The following AKAP9 variants were observed in gnomAD, a reference collection of about 807,000 sequenced individuals.
The protein encoded by AKAP9 is A-kinase anchor protein 9.
Under a neutral mutation model 488.5 loss-of-function variants are expected in AKAP9, and 311 were observed. The ratio of observed to expected loss-of-function variants is 0.64; its 90% confidence interval spans 0.58 to 0.70. The LOEUF (loss-of-function observed/expected upper bound fraction) is 0.70, where lower values mean the gene tolerates loss of function less well. Ranked by LOEUF, AKAP9 falls within the 30% of genes least tolerant of loss-of-function variation. The pLI is 0.00. For missense variants in AKAP9, 4,215 were observed against 4,374.5 expected, an observed-to-expected ratio of 0.96 and a Z score of 1.03; for synonymous variants, 1,462 against 1,483.5, an observed-to-expected ratio of 0.99 and a Z score of 0.33.
At chr7:92,083,702 T>TAA (rs34688691) in intron 33 of AKAP9, 47 bp downstream of exon 33, 6 of 1,427,744 alleles carry the variant, frequency 4.2e-6, no homozygotes, top group East Asian at 5.4e-5. Context: ...TGTGGTTTTT[T>TAA]AAAAAAAAAA....
chr7:91,994,840 T>A, intron 6 of AKAP9, 64 bp downstream of exon 6: 2 of 1,481,604 alleles, frequency 1.3e-6, no homozygotes, highest in South Asian at 1.2e-5. Context: ...AAATTCACTT[T>A]CAAGAACAAA....
chr7:92,008,853 G>A (rs1406272242), intron 8 of AKAP9, among the ~76,000 whole-genome samples: 1 of 151,642 alleles, frequency 6.6e-6, no homozygotes, highest in African/African-American at 2.4e-5. Context: ...GGGCATGGTA[G>A]CGTGCACCTG....
intron 1 of AKAP9, among the ~76,000 whole-genome samples, chr7:91,942,958 G>A (rs568391637): frequency 9.2e-5 from 14 of 152,136 alleles, no homozygotes; most frequent in African/African-American, 3.1e-4. Flanking sequence ...TTGGGAGCCT[G>A]GGGCGAGAGG....
intron 1 of AKAP9, among the ~76,000 whole-genome samples, chr7:91,966,461 G>T (rs984374282): frequency 6.6e-6 from 1 of 152,166 alleles, no homozygotes; most frequent in Admixed American, 6.6e-5. Context: ...CCTTTTCTCA[G>T]AATATATGGT....
At position 92,110,343 on chromosome 7, in the gene AKAP9, A is replaced by G. The variant is rs1819147478; in HGVS notation, c.*184A>G. 1.7e-6 allele frequency: 1 copy of G among 588,786 alleles called. No individual in the cohort carries two copies. The allele number at this position is 588,786 out of a possible 1,614,324, so 36.5% of individuals were successfully genotyped here. A position where few individuals can be genotyped will look rare whatever the true frequency, so the allele number is the denominator to read the frequency against. On this transcript the variant is annotated 3_prime_UTR_variant, in exon 50 of 50. Coordinates refer to ENST00000356239, the MANE Select transcript of AKAP9 (RefSeq NM_005751.5). ...GAATTTGTATATATAAGCATTGTGT[A>G]TGTATTCATGCACAATAATTATTGA...
Position 92,099,774 on chromosome 7 carries a change from C to A in AKAP9, c.10801C>A (p.Gln3601Lys). 6.2e-7 allele frequency: 1 copy of A among 1,614,010 alleles called. No homozygotes were observed. The highest frequency in any genetic ancestry group is 1.1e-5 in the South Asian group (1 of 91,048). The change falls in exon 44 of 50, where the codon CAA becomes AAA. Residue 3601 changes from glutamine (Q) to lysine (K), a missense_variant. Transcript: ENST00000356239. ...QNAELTGHISQLTEEKNDLRN... is the reference protein window; with the variant it reads ...QNAELTGHISKLTEEKNDLRN... ...TGCTGAGCTGACAGGGCATATCAGT[C>A]AACTGACTGAAGAGAAGAATGACTT...
At position 92,052,957 on chromosome 7, in the gene AKAP9, A is replaced by G; in HGVS notation, c.5600A>G (p.Gln1867Arg). The G allele has an allele frequency of 6.2e-7, 1 of 1,608,690 alleles. No individual in the cohort carries two copies. The highest frequency in any genetic ancestry group is 8.5e-7 in the Non-Finnish European group (1 of 1,175,298). Residue 1867 changes from glutamine to arginine, a missense_variant and splice_region_variant, in exon 22 of 50, where the codon CAG becomes CGG. Gln to Arg is a conservative substitution (Grantham distance 43, BLOSUM62 1). Transcript: ENST00000356239. ...LLEAISETSS[Q>R]LEHAKVTQTE... ...GAAGCCATAAGTGAAACTAGCAGTCAGGTAACCTCCTTATATTGCTAATAT... is the reference window on the plus strand; with the variant it reads ...GAAGCCATAAGTGAAACTAGCAGTCGGGTAACCTCCTTATATTGCTAATAT...
At chr7:91,963,888 G>T (rs1050742003) in intron 1 of AKAP9, among the ~76,000 whole-genome samples, 1 of 151,992 alleles carries the variant, frequency 6.6e-6, no homozygotes, top group Non-Finnish European at 1.5e-5. Flanking sequence ...AAATTTTCTG[G>T]CCATTGTTGT....
At chr7:91,994,591 AT>A (rs1279759367) in intron 5 of AKAP9, 29 bp from the exon 6 acceptor site, 3 of 1,573,356 alleles carry the variant, frequency 1.9e-6, no homozygotes, top group Non-Finnish European at 2.6e-6. Flanking sequence ...ATTAAAAAAA[AT>A]AAATCTAGCA....
In AKAP9 at chr7:92,079,749, A is replaced by C; in HGVS notation, c.7616A>C (p.Lys2539Thr). ...GQFETEMLQK[K>T]IVNLQKIVEE... ...TTTGAAACAGAAATGCTTCAAAAGA[A>C]GATTGTAAACCTACAGAAAATAGTT... is the stretch of plus-strand genomic sequence containing the variant. Residue 2539 changes from lysine (K) to threonine (T), a missense_variant, in exon 31 of 50, where the codon AAG becomes ACG. Transcript: ENST00000356239. 2 of 1,614,152 alleles carry C rather than the reference A, an allele frequency of 1.2e-6. No homozygotes were observed. Among genetic ancestry groups the C allele is most frequent in the Non-Finnish European group, 1.7e-6 (2 of 1,180,014 alleles).
At chr7:91,947,575 T>C (rs1314037800) in intron 1 of AKAP9, among the ~76,000 whole-genome samples, 1 of 152,164 alleles carries the variant, frequency 6.6e-6, no homozygotes, top group East Asian at 1.9e-4. Context: ...CTCCTGACCT[T>C]GTGATCCGTC....
At chr7:92,027,339 G>C in intron 14 of AKAP9, among the ~76,000 whole-genome samples, 1 of 146,872 alleles carries the variant, frequency 6.8e-6, no homozygotes. Context: ...TAGGAAGTGA[G>C]GAGCGCCTCT....
At chr7:91,995,452 A>T in intron 6 of AKAP9, 151 bp from the exon 7 acceptor site, 1 of 650,784 alleles carries the variant, frequency 1.5e-6, no homozygotes, top group Non-Finnish European at 2.7e-6. Context: ...CGGCTTGGGT[A>T]TACCTATCTA....
In AKAP9 at chr7:92,076,949, A is replaced by G; in HGVS notation, c.6707A>G (p.Gln2236Arg). The part of the protein sequence containing the change: ...VQQLHMQLEI[Q>R]KKESTTRLQE... The stretch of plus-strand genomic sequence containing the variant: ...CAATTACATATGCAATTAGAAATAC[A>G]GAAAAAGGAATCTACTACCCGCCTA... Residue 2236 changes from glutamine (Q) to arginine (R), a missense_variant, in exon 29 of 50, where the codon CAG (glutamine) becomes CGG (arginine). Physicochemically the swap from Gln to Arg is conservative, Grantham distance 43. Around this residue, in one of 5 missense-constraint regions of AKAP9, gnomAD observed 51 missense variants for 87.3 expected, o/e 0.58. Coordinates refer to ENST00000356239, the MANE Select transcript of AKAP9 (RefSeq NM_005751.5). 6.3e-7 allele frequency: 1 copy of G among 1,577,118 alleles called. No individual in the cohort carries two copies. The highest frequency in any genetic ancestry group is 8.7e-7 in the Non-Finnish European group (1 of 1,152,524).
In AKAP9 at chr7:91,981,274, C is replaced by T. The variant is rs370509588; in HGVS notation, c.351+941C>T. Among the ~76,000 whole-genome samples the T allele has an allele frequency of 5.2e-4, 79 of 152,234 alleles. 2 individuals carry two copies. In the East Asian group the frequency reaches 0.013, roughly 25 times the overall value. ...CGCATACAGTTGGCCCTCCATATCCCTGGGTTCTGCATTTGAGGGTATGAC... is the reference window on the plus strand; with the variant it reads ...CGCATACAGTTGGCCCTCCATATCCTTGGGTTCTGCATTTGAGGGTATGAC... On this transcript the variant is annotated intron_variant, in intron 3 of 49. Coordinates refer to ENST00000356239, the MANE Select transcript of AKAP9 (RefSeq NM_005751.5).
At chr7:91,947,550 C>G (rs973804173) in intron 1 of AKAP9, among the ~76,000 whole-genome samples, 4 of 152,148 alleles carry the variant, frequency 2.6e-5, no homozygotes, top group African/African-American at 9.7e-5. Flanking sequence ...CCATATTGGC[C>G]AGGCTGGTCT....
At chr7:92,089,584 T>G in intron 38 of AKAP9, 55 bp downstream of exon 38, 1 of 1,556,742 alleles carries the variant, frequency 6.4e-7, no homozygotes, top group South Asian at 1.2e-5. Flanking sequence ...AGATTTCACT[T>G]TGTTTTCTTT....
intron 30 of AKAP9, among the ~76,000 whole-genome samples, chr7:92,078,829 G>C (rs192614723): frequency 2.0e-5 from 3 of 152,100 alleles, no homozygotes; most frequent in Admixed American, 1.3e-4. Context: ...TATTGATATT[G>C]ACTATTTTCC....
At chr7:92,084,507 T>G (rs1378109851) in intron 33 of AKAP9, 133 bp from the exon 34 acceptor site, 1 of 638,204 alleles carries the variant, frequency 1.6e-6, no homozygotes, top group Admixed American at 3.0e-5. Flanking sequence ...AAAAAAACCA[T>G]GAATAATTTC....
Sources: gnomAD v4.1 joint callset for allele counts (sites outside exome capture counted in the v4.1 genomes callset) on GRCh38, gnomAD v4.1.1 for gene constraint, gnomAD v4.1.1 regional missense constraint, MANE v1.5 for transcripts, NCBI Gene and HGNC (gene_info 2026-07-23, HGNC 2026-07-21) for gene names.